Variants in SLC16A1 observed in about 807,000 individuals in gnomAD.
SLC16A1 encodes solute carrier family 16 member 1, also known as monocarboxylate transporter 1.
A neutral mutation model predicts 32.2 loss-of-function variants in SLC16A1; 11 were observed. The observed-to-expected ratio is 0.34, with a 90% CI of 0.21 to 0.56. SLC16A1 has a LOEUF of 0.56. Ranked by LOEUF, SLC16A1 falls within the 20% of genes least tolerant of loss-of-function variation. The pLI, the probability that SLC16A1 is intolerant of heterozygous loss-of-function variation, is 0.87. For synonymous variants in SLC16A1, 231 were observed against 226.8 expected, an observed-to-expected ratio of 1.02 and a Z score of -0.17; for missense variants, 435 against 615.0, an observed-to-expected ratio of 0.71 and a Z score of 3.10.
At chr1:112,915,418 AC>A (rs1648466801) in intron 4 of SLC16A1, among the ~76,000 whole-genome samples, 1 of 152,176 alleles carries the variant, frequency 6.6e-6, no homozygotes, top group Admixed American at 6.5e-5. Context: ...TTGCTGGGGC[AC>A]AGAGAGCAGG....
At chr1:112,915,449 G>A (rs1196682931) in intron 4 of SLC16A1, among the ~76,000 whole-genome samples, 1 of 152,194 alleles carries the variant, frequency 6.6e-6, no homozygotes, top group Non-Finnish European at 1.5e-5. Context: ...GTAGAAATGA[G>A]GCTGGAAGGA....
chr1:112,943,395 AAAGATTT>A (rs1649579110), intron 1 of SLC16A1, among the ~76,000 whole-genome samples: 1 of 152,166 alleles, frequency 6.6e-6, no homozygotes, highest in South Asian at 2.1e-4. Flanking sequence ...GCTAACAAAG[AAAGATTT>A]GTAGAAGGGC....
intron 2 of SLC16A1, among the ~76,000 whole-genome samples, chr1:112,925,388 TTTTA>T (rs1228609620): frequency 1.3e-5 from 2 of 151,864 alleles, no homozygotes; most frequent in Non-Finnish European, 2.9e-5. Context: ...TTTCTTTTTT[TTTTA>T]AATTTGAGAC....
At chr1:112,945,440 C>A (rs1044219818) in intron 1 of SLC16A1, among the ~76,000 whole-genome samples, 1 of 150,322 alleles carries the variant, frequency 6.7e-6, no homozygotes, top group South Asian at 2.1e-4. Context: ...TTTGTGAGGC[C>A]GAGGCGGGTG....
intron 1 of SLC16A1, among the ~76,000 whole-genome samples, chr1:112,950,344 C>T (rs1447623920): frequency 3.3e-5 from 5 of 152,206 alleles, no homozygotes; most frequent in Admixed American, 3.3e-4. Context: ...TAGTCTAACA[C>T]ACCACAGCAG....
intron 2 of SLC16A1, among the ~76,000 whole-genome samples, chr1:112,928,300 A>G (rs1649008842): frequency 6.6e-6 from 1 of 152,200 alleles, no homozygotes; most frequent in Admixed American, 6.5e-5. Context: ...TACTGTCTCA[A>G]AAGGATTATA....
At chr1:112,932,944 A>C (rs1649186854) in intron 1 of SLC16A1, among the ~76,000 whole-genome samples, 1 of 152,184 alleles carries the variant, frequency 6.6e-6, no homozygotes, top group African/African-American at 2.4e-5. Flanking sequence ...CAATACACAG[A>C]AATCAATTGT....
In SLC16A1 at chr1:112,912,424, C is replaced by G. The variant is rs934026053; in HGVS notation, c.*1467G>C. ...AAGGTTTTGTATCTATACTTTTACT[C>G]TGTCAATTACAGTGGTATTTTAAAT... On this transcript the variant is annotated 3_prime_UTR_variant, in exon 5 of 5. Transcript: ENST00000369626. The G allele has an allele frequency of 1.3e-5, 2 of 152,184 alleles. No individual in the cohort carries two copies. The highest frequency in any genetic ancestry group is 1.5e-5 in the Non-Finnish European group (1 of 68,022). 9.4% of individuals were successfully genotyped at this position (152,184 alleles called of 1,614,324 possible). A position where few individuals can be genotyped will look rare whatever the true frequency, so the allele number is the denominator to read the frequency against.
intron 1 of SLC16A1, among the ~76,000 whole-genome samples, chr1:112,934,410 C>A (rs1649230468): frequency 6.6e-6 from 1 of 152,130 alleles, no homozygotes; most frequent in African/African-American, 2.4e-5. Flanking sequence ...GGAGAGGAGA[C>A]TGACTGCAAA....
In SLC16A1 at chr1:112,917,551, A is replaced by G. The variant is rs776254881; in HGVS notation, c.855T>C (p.Ser285=). 6.9e-5 allele frequency: 111 copies of G among 1,614,208 alleles called. No individual in the cohort carries two copies. The highest frequency in any genetic ancestry group is 8.7e-5 in the Non-Finnish European group (103 of 1,180,028). ...AATAATGCTGACTCTTCCCATAACT[A>G]CTAAGAAACACCAAAGGTGCAAAGA... ...FGLFAPLVFL[S]SYGKSQHYSS... Residue 285 remains serine, a synonymous_variant, in exon 4 of 5, where the codon AGT becomes AGC. Transcript: ENST00000369626. This position sits in a 1 kb window ranked among gnomAD's most constrained non-coding sequence, Gnocchi z 4.1.
intron 1 of SLC16A1, among the ~76,000 whole-genome samples, chr1:112,939,753 C>A (rs1284778586): frequency 5.3e-5 from 8 of 152,112 alleles, no homozygotes. Context: ...GATCCACCCA[C>A]CTCGGTCTCC....
intron 1 of SLC16A1, among the ~76,000 whole-genome samples, chr1:112,933,586 A>T (rs1275323229): frequency 6.6e-6 from 1 of 151,180 alleles, no homozygotes; most frequent in Admixed American, 6.6e-5. Flanking sequence ...CACCCAGCTT[A>T]AAAAAAAAGC....
At chr1:112,916,020 C>A (rs904226039) in intron 4 of SLC16A1, among the ~76,000 whole-genome samples, 1 of 152,130 alleles carries the variant, frequency 6.6e-6, no homozygotes, top group Non-Finnish European at 1.5e-5. Context: ...CCTTTTGAAG[C>A]CTCTGTTCAC....
At chr1:112,938,478 T>A (rs1483175898) in intron 1 of SLC16A1, among the ~76,000 whole-genome samples, 2 of 152,082 alleles carry the variant, frequency 1.3e-5, no homozygotes, top group Admixed American at 6.6e-5. Flanking sequence ...AAAGCGCTAG[T>A]CAAAGAAGGA....
At chr1:112,941,185 A>C (rs1649495140) in intron 1 of SLC16A1, among the ~76,000 whole-genome samples, 1 of 152,178 alleles carries the variant, frequency 6.6e-6, no homozygotes, top group South Asian at 2.1e-4. Context: ...CCAGAATCTA[A>C]AATAAAAGTT....
intron 2 of SLC16A1, among the ~76,000 whole-genome samples, chr1:112,922,980 C>T (rs57421275): frequency 6.6e-6 from 1 of 151,900 alleles, no homozygotes; most frequent in Non-Finnish European, 1.5e-5. Flanking sequence ...GGCCTGATCT[C>T]GCTTACTGTA....
chr1:112,936,863 T>C (rs1032679861), intron 1 of SLC16A1, among the ~76,000 whole-genome samples: 1 of 152,162 alleles, frequency 6.6e-6, no homozygotes, highest in Non-Finnish European at 1.5e-5. Flanking sequence ...AGTTTAAAAA[T>C]TGAAGGTCTT....
At chr1:112,953,831 T>A (rs374963303) in intron 1 of SLC16A1, among the ~76,000 whole-genome samples, 1 of 152,204 alleles carries the variant, frequency 6.6e-6, no homozygotes, top group East Asian at 1.9e-4. Flanking sequence ...TCTAGCCAAA[T>A]TGCTTCTATA....
At chr1:112,953,546 T>C (rs1462768629) in intron 1 of SLC16A1, among the ~76,000 whole-genome samples, 1 of 152,222 alleles carries the variant, frequency 6.6e-6, no homozygotes, top group Non-Finnish European at 1.5e-5. Context: ...AAAAATCCCT[T>C]TAATTTTTTT....
Sources: gnomAD v4.1 joint callset for allele counts (sites outside exome capture counted in the v4.1 genomes callset) on GRCh38, gnomAD v4.1.1 for gene constraint, Gnocchi (gnomAD v3.1) non-coding constraint, MANE v1.5 for transcripts, NCBI Gene and HGNC (gene_info 2026-07-23, HGNC 2026-07-21) for gene names.